The following FAT1 variants were observed in gnomAD, a reference collection of about 807,000 sequenced individuals.
FAT1 encodes protocadherin Fat 1.
FAT1 carries 171 observed loss-of-function variants against 329.8 expected under a neutral mutation model. The observed-to-expected ratio is 0.52, with a 90% CI of 0.46 to 0.59. The LOEUF (loss-of-function observed/expected upper bound fraction) is 0.59, where lower values mean the gene tolerates loss of function less well. Ranked by LOEUF, FAT1 falls within the 20% of genes least tolerant of loss-of-function variation. The pLI is 0.00. For synonymous variants in FAT1, 2,233 were observed against 2,228.6 expected (o/e 1.00, Z -0.06); for missense variants, 5,672 against 5,774.4 (o/e 0.98, Z 0.57).
rs2126616414 is a variant in FAT1, at chr4:186,663,298, C to T, written c.3580+1G>A. On this transcript the variant is annotated splice_donor_variant, in intron 3 of 26. Coordinates refer to ENST00000441802, the MANE Select transcript of FAT1 (RefSeq NM_005245.4). LOFTEE classifies it high-confidence loss of function. ...TTTCCTATAGCAGTATTAACACATA[C>T]CTGTTTTAGGATGTATTGAAAAGAA... The T allele has an allele frequency of 1.2e-6, 2 of 1,606,772 alleles. No individual in the cohort carries two copies. Among genetic ancestry groups the T allele is most frequent in the Non-Finnish European group, 1.7e-6 (2 of 1,174,922 alleles).
chr4:186,707,893 GA>G lies in FAT1; in HGVS notation c.1934del (p.Ile645ThrfsTer17). On this transcript the variant is annotated frameshift_variant, in exon 2 of 27. Coordinates refer to ENST00000441802, the MANE Select transcript of FAT1 (RefSeq NM_005245.4). LOFTEE classifies it high-confidence loss of function. ...GAKVSFHSLR[I>X]TATDGENFAT... ...CAAAATTTTCTCCATCTGTAGCTGT[GA>G]TTCTCAGACTGTGGAAAGACACCTT... 6.2e-7 allele frequency: 1 copy of G among 1,613,906 alleles called. No homozygotes were observed. The highest frequency in any genetic ancestry group is 8.5e-7 in the Non-Finnish European group (1 of 1,179,902).
chr4:186,635,496 A>G (rs1291671683), intron 6 of FAT1, among the ~76,000 whole-genome samples: 1 of 152,226 alleles, frequency 6.6e-6, no homozygotes, highest in Non-Finnish European at 1.5e-5. Flanking sequence ...GAGGTAATAT[A>G]AAACTAAAAA....
chr4:186,635,829 T>C (rs887826108), intron 6 of FAT1, among the ~76,000 whole-genome samples, 196 bp downstream of exon 6: 1 of 152,234 alleles, frequency 6.6e-6, no homozygotes, highest in African/African-American at 2.4e-5. Flanking sequence ...AGAGCACCTA[T>C]TTTAAGCAAG....
rs1455163228 is a variant in FAT1, at chr4:186,620,748, GCTT to G, written c.5835_5837del (p.Arg1945del). On this transcript the variant is annotated inframe_deletion, in exon 10 of 27. Transcript: ENST00000441802. ...AAGCTCTAACGGTTAGCTCGTAGCG[GCTT>G]CTTAACTGAGTTGTGTTTTGGACAG... 2 of 1,613,900 alleles carry G rather than the reference GCTT, an allele frequency of 1.2e-6. No homozygotes were observed. Among genetic ancestry groups the G allele is most frequent in the African/African-American group, 1.3e-5 (1 of 74,926 alleles).
At position 186,691,181 on chromosome 4, in the gene FAT1, T is replaced by C. The variant is rs375039643; in HGVS notation, c.3265+15382A>G. Among the ~76,000 whole-genome samples, 9 of 152,266 alleles carry C rather than the reference T, an allele frequency of 5.9e-5. No homozygotes were observed. The South Asian group carries it at 8.3e-4, about 14-fold the overall frequency. ...CACCTGTATCTAAAAACAGTAAACT[T>C]TGGAATATTTCTAATAAGTGGTTTC... On this transcript the variant is annotated intron_variant, in intron 2 of 26. Coordinates refer to ENST00000441802, the MANE Select transcript of FAT1 (RefSeq NM_005245.4).
intron 3 of FAT1, among the ~76,000 whole-genome samples, chr4:186,656,298 T>A (rs895205020): frequency 3.3e-5 from 5 of 152,196 alleles, no homozygotes; most frequent in Non-Finnish European, 5.9e-5. Flanking sequence ...GCACCAGTCA[T>A]CTGCTATCCC....
chr4:186,632,859 T>A (rs1216321568), intron 7 of FAT1, among the ~76,000 whole-genome samples: 1 of 151,964 alleles, frequency 6.6e-6, no homozygotes, highest in African/African-American at 2.4e-5. Context: ...AACTTCTTTC[T>A]TTTTCATTTA....
chr4:186,601,829 A>T (rs1738831906), intron 20 of FAT1: 1 of 157,808 alleles, frequency 6.3e-6, no homozygotes, highest in Non-Finnish European at 1.4e-5. Flanking sequence ...ACAGATGGCA[A>T]CTGTTACATA....
intron 6 of FAT1, among the ~76,000 whole-genome samples, chr4:186,635,698 T>C (rs916059058): frequency 3.9e-5 from 6 of 152,212 alleles, no homozygotes; most frequent in Non-Finnish European, 8.8e-5. Flanking sequence ...CCATAGGTTA[T>C]GCATCAATAA....
rs375070972 is a variant in FAT1, at chr4:186,619,225, C to T, written c.7361G>A (p.Arg2454Gln). ...ACTGTAAAATGGCTTCAGGGCGTGC[C>T]GGTGCAGGTTTGAGAGGGTGATAAT... ...TGIITLSNLHRHALKPFYSLN... is the reference protein window; with the variant it reads ...TGIITLSNLHQHALKPFYSLN... The change falls in exon 10 of 27, where the codon CGG becomes CAG. Residue 2454 changes from arginine (R) to glutamine (Q), a missense_variant. Arg to Gln is a conservative substitution (Grantham distance 43). This residue lies in a region of FAT1 where 3,966 missense variants were observed against 3,915.2 expected (regional missense o/e 1.01). Transcript: ENST00000441802. 1.3e-5 allele frequency: 21 copies of T among 1,613,800 alleles called. No individual in the cohort carries two copies. The African/African-American group carries it at 1.5e-4, about 11-fold the overall frequency.
In FAT1 at chr4:186,707,580, C is replaced by T. The variant is rs2126689765; in HGVS notation, c.2248G>A (p.Gly750Arg). 6.2e-7 allele frequency: 1 copy of T among 1,613,978 alleles called. No individual in the cohort carries two copies. Among genetic ancestry groups the T allele is most frequent in the Non-Finnish European group, 8.5e-7 (1 of 1,179,898 alleles). ...NSTDLDTGFN[G>R]KLVYAVSGGN... ...CCAGAAACAGCATAGACCAGTTTTCCATTGAAGCCAGTGTCAAGGTCAGTG... is the reference window on the plus strand; with the variant it reads ...CCAGAAACAGCATAGACCAGTTTTCTATTGAAGCCAGTGTCAAGGTCAGTG... The change falls in exon 2 of 27, where the codon GGA (glycine) becomes AGA (arginine). Residue 750 changes from glycine (G) to arginine (R), a missense_variant. By Grantham distance (125) the Gly-to-Arg change is moderately radical. This residue lies in a region of FAT1 where 3,966 missense variants were observed against 3,915.2 expected (regional missense o/e 1.01). Transcript: ENST00000441802.
upstream of FAT1, among the ~76,000 whole-genome samples, chr4:186,724,550 G>C (rs534972973): frequency 6.6e-6 from 1 of 152,342 alleles, no homozygotes; most frequent in African/African-American, 2.4e-5. The surrounding 1 kb of genome is among the most constrained non-coding windows in gnomAD (Gnocchi z 5.3). Context: ...TAGCCCGGGA[G>C]TCGGCCCCAG....
At chr4:186,622,506 G>A (rs1049085122) in intron 9 of FAT1, among the ~76,000 whole-genome samples, 1 of 152,102 alleles carries the variant, frequency 6.6e-6, no homozygotes, top group African/African-American at 2.4e-5. Context: ...ACAACGCACA[G>A]GACAGCCCTA....
In FAT1 at chr4:186,646,004, C is replaced by CACACACACACAT. The variant is rs1491403367; in HGVS notation, c.3581-6222_3581-6221insATGTGTGTGTGT. ...ACACACACACACACACACACACACACATGAAAGATGGCAGCTAGAAAAGGA... is the reference window on the plus strand; with the variant it reads ...ACACACACACACACACACACACACACACACACACACATATGAAAGATGGCAGCTAGAAAAGGA... On this transcript the variant is annotated intron_variant, in intron 3 of 26. Coordinates refer to ENST00000441802, the MANE Select transcript of FAT1 (RefSeq NM_005245.4). Among the ~76,000 whole-genome samples the CACACACACACAT allele has an allele frequency of 4.9e-3, 658 of 135,006 alleles. 11 individuals are homozygous for CACACACACACAT. The highest frequency in any genetic ancestry group is 0.017 in the African/African-American group (615 of 35,586). The allele number at this position is 135,006 out of a possible 152,430, so 88.6% of individuals were successfully genotyped here. A position where few individuals can be genotyped will look rare whatever the true frequency, so the allele number is the denominator to read the frequency against.
At chr4:186,670,833 G>C (rs951765951) in intron 2 of FAT1, among the ~76,000 whole-genome samples, 1 of 152,080 alleles carries the variant, frequency 6.6e-6, no homozygotes, top group African/African-American at 2.4e-5. Context: ...CCAGAGAGAC[G>C]TAACTAAATG....
Position 186,604,562 on chromosome 4 carries a change from C to A in FAT1, c.10363G>T (p.Val3455Leu). 1 of 1,607,630 alleles carries A rather than the reference C, an allele frequency of 6.2e-7. No homozygotes were observed. Among genetic ancestry groups the A allele is most frequent in the Non-Finnish European group, 8.5e-7 (1 of 1,177,392 alleles). Residue 3455 changes from valine to leucine, a missense_variant, in exon 18 of 27, where the codon GTG (valine) becomes TTG (leucine). This residue lies in a region of FAT1 where 1,706 missense variants were observed against 1,859.1 expected (regional missense o/e 0.92). Coordinates refer to ENST00000441802, the MANE Select transcript of FAT1 (RefSeq NM_005245.4). ...YSVIIQENKP[V>L]GFSVLQLVVT... ...ACCAGCTGCAGCACGCTGAAGCCCA[C>A]TGGCTTATTTTCCTGCACAAGATTA...
chr4:186,693,366 G>A lies in FAT1; in HGVS notation c.3265+13197C>T, dbSNP rs1579459140. Among the ~76,000 whole-genome samples, 6 of 146,016 alleles carry A rather than the reference G, an allele frequency of 4.1e-5. 2 individuals carry two copies. The highest frequency in any genetic ancestry group is 1.6e-4 in the African/African-American group (6 of 38,392). On this transcript the variant is annotated intron_variant, in intron 2 of 26. Transcript: ENST00000441802. ...AGGTTAGCCTACCTCCCTACCTGTG[G>A]CTGGATGAACGAACTGTGTCACAGC...
rs1738609974 is a variant in FAT1, at chr4:186,597,908, A to T, written c.12257+64T>A. 3.9e-5 allele frequency: 61 copies of T among 1,572,330 alleles called. 1 individual carries two copies. The South Asian group carries it at 6.9e-4, about 18-fold the overall frequency. The stretch of plus-strand genomic sequence containing the variant: ...ATTAACGTGCAGACTTTTTACATGT[A>T]CCATTATATGTTTAAGAATTTTATA... On this transcript the variant is annotated intron_variant, in intron 23 of 26. Transcript: ENST00000441802.
chr4:186,716,521 A>C (rs1010613822), intron 1 of FAT1, among the ~76,000 whole-genome samples: 5 of 151,330 alleles, frequency 3.3e-5, no homozygotes, highest in African/African-American at 1.2e-4. Flanking sequence ...CCAACCTTCC[A>C]GGCTCAAGTG....
Sources: gnomAD v4.1 joint callset for allele counts (sites outside exome capture counted in the v4.1 genomes callset) on GRCh38, gnomAD v4.1.1 for gene constraint, gnomAD v4.1.1 regional missense constraint, Gnocchi (gnomAD v3.1) non-coding constraint, MANE v1.5 for transcripts, NCBI Gene and HGNC (gene_info 2026-07-23, HGNC 2026-07-21) for gene names.